Variants in NEB observed in about 807,000 individuals in gnomAD.
NEB encodes the protein nemaline myopathy type 2.
NEB carries 512 observed loss-of-function variants against 952.2 expected under a neutral mutation model. The ratio of observed to expected loss-of-function variants is 0.54; its 90% CI spans 0.50 to 0.58. NEB has a LOEUF of 0.58. Ranked by LOEUF, NEB falls within the 20% of genes least tolerant of loss-of-function variation. The pLI, the probability that NEB is intolerant of heterozygous loss-of-function variation, is 0.00. For synonymous variants in NEB, 2,900 were observed against 3,149.8 expected (o/e 0.92, Z 2.66); for missense variants, 8,428 against 9,231.1 (o/e 0.91, Z 3.56).
intron 34 of NEB, among the ~76,000 whole-genome samples, chr2:151,676,341 A>G (rs2099359116): frequency 6.6e-6 from 1 of 152,180 alleles, no homozygotes; most frequent in Non-Finnish European, 1.5e-5. Context: ...CCTTAGCTTC[A>G]GTCCAATTAA....
At chr2:151,572,980 T>C (rs921059177) in intron 107 of NEB, among the ~76,000 whole-genome samples, 1 of 152,056 alleles carries the variant, frequency 6.6e-6, no homozygotes, top group African/African-American at 2.4e-5. Context: ...TACCATCTGA[T>C]AAAAACAAAA....
chr2:151,651,769 C>T (rs1201130930), intron 52 of NEB, among the ~76,000 whole-genome samples: 1 of 152,122 alleles, frequency 6.6e-6, no homozygotes, highest in Non-Finnish European at 1.5e-5. Context: ...TTACATGATA[C>T]CCAGCTTCAT....
At position 151,636,226 on chromosome 2, in the gene NEB, C is replaced by T. The variant is rs143644938; in HGVS notation, c.9102+1G>A. 3.7e-6 allele frequency: 6 copies of T among 1,605,528 alleles called. No homozygotes were observed. Among genetic ancestry groups the T allele is most frequent in the South Asian group, 1.1e-5 (1 of 90,914 alleles). On this transcript the variant is annotated splice_donor_variant, in intron 64 of 181. Coordinates refer to ENST00000397345, the MANE Select transcript of NEB (RefSeq NM_001164508.2). LOFTEE classifies it high-confidence loss of function. ...TACTCAGAATGGAATTGACAACTCA[C>T]GTCACTGATGATGTCCCTGGAGGCC...
intron 12 of NEB, among the ~76,000 whole-genome samples, chr2:151,708,886 T>C (rs151332165): frequency 1.2e-3 from 184 of 152,344 alleles, no homozygotes; most frequent in East Asian, 0.01. Flanking sequence ...AAGTCAGCTG[T>C]GCTTTCAAAA....
In NEB at chr2:151,564,479, C is replaced by T. The variant is rs140378948; in HGVS notation, c.18472-549G>A. The stretch of plus-strand genomic sequence containing the variant: ...ACTCTAGGCATTTTATAAGAGTTGA[C>T]TATTTTTGCGGTCCTAGTAAAAGTG... On this transcript the variant is annotated intron_variant, in intron 117 of 181. Coordinates refer to ENST00000397345, the MANE Select transcript of NEB (RefSeq NM_001164508.2). Among the ~76,000 whole-genome samples, 20 of 152,220 alleles carry T rather than the reference C, an allele frequency of 1.3e-4. No individual in the cohort carries two copies. The East Asian group carries it at 3.7e-3, about 28-fold the overall frequency.
chr2:151,720,754 T>A (rs2099772048), intron 9 of NEB, among the ~76,000 whole-genome samples: 1 of 152,194 alleles, frequency 6.6e-6, no homozygotes, highest in Non-Finnish European at 1.5e-5. Context: ...CCTCATCCTT[T>A]TGCTGGCTCC....
chr2:151,723,520 G>A (rs1348351776), intron 8 of NEB, 34 bp from the exon 9 acceptor site: 1 of 1,446,888 alleles, frequency 6.9e-7, no homozygotes, highest in Non-Finnish European at 9.6e-7. Flanking sequence ...TTAGGAGGAA[G>A]TAGGGTCACG....
intron 129 of NEB, among the ~76,000 whole-genome samples, chr2:151,551,216 G>A (rs1169989751): frequency 2.6e-5 from 4 of 152,020 alleles, no homozygotes; most frequent in Non-Finnish European, 5.9e-5. Flanking sequence ...TGATCTGCCC[G>A]CCTCAGCCTC....
intron 129 of NEB, among the ~76,000 whole-genome samples, chr2:151,551,312 T>C (rs1454520815): frequency 6.6e-6 from 1 of 152,158 alleles, no homozygotes; most frequent in African/African-American, 2.4e-5. Flanking sequence ...ACATGAAAAG[T>C]TGAGACCAAA....
At chr2:151,679,380 A>AATT (rs1461578107) in intron 32 of NEB, among the ~76,000 whole-genome samples, 1 of 152,206 alleles carries the variant, frequency 6.6e-6, no homozygotes, top group Admixed American at 6.5e-5. Flanking sequence ...ATAAATTAAT[A>AATT]AAGTTTTGAG....
chr2:151,568,462 A>G (rs746528654), intron 111 of NEB, 45 bp from the exon 112 acceptor site: 10 of 1,554,046 alleles, frequency 6.4e-6, no homozygotes, highest in South Asian at 1.1e-5. Flanking sequence ...TTACTTGTTA[A>G]GAAAGCATCA....
At chr2:151,548,090 C>T (rs2094930035) in intron 131 of NEB, among the ~76,000 whole-genome samples, 1 of 152,118 alleles carries the variant, frequency 6.6e-6, no homozygotes, top group South Asian at 2.1e-4. Context: ...AAAAGTTTTG[C>T]ATCATAATCT....
At chr2:151,519,603 CAGTT>C in intron 154 of NEB, 51 bp downstream of exon 154, 2 of 1,308,346 alleles carry the variant, frequency 1.5e-6, no homozygotes, top group South Asian at 2.4e-5. Flanking sequence ...CACTTAAAAA[CAGTT>C]AAAATGGCAA....
intron 165 of NEB, among the ~76,000 whole-genome samples, chr2:151,503,901 G>A (rs1365248650): frequency 1.3e-5 from 2 of 152,066 alleles, no homozygotes; most frequent in Non-Finnish European, 2.9e-5. Flanking sequence ...GTTCCTCGCT[G>A]GCTCCTAATC....
At chr2:151,731,748 A>G (rs796171634) in intron 3 of NEB, among the ~76,000 whole-genome samples, 3 of 152,330 alleles carry the variant, frequency 2.0e-5, no homozygotes, top group African/African-American at 7.2e-5. Context: ...ATTTTAAGAA[A>G]GACAAGGGAT....
chr2:151,677,568 ACT>A lies in NEB; in HGVS notation c.3769_3770del (p.Ser1257Ter). The A allele has an allele frequency of 6.2e-7, 1 of 1,612,366 alleles. No homozygotes were observed. The highest frequency in any genetic ancestry group is 1.1e-5 in the South Asian group (1 of 90,938). Reference sequence around the variant, plus strand: ...CTCTCTATTTTATTGTACTCACATCACTGACTTGCTTCGTGTTCTGTTTTGCC... The same window carrying A: ...CTCTCTATTTTATTGTACTCACATCAGACTTGCTTCGTGTTCTGTTTTGCC... Reference protein sequence around the residue: ...VQAKQNTKQVSDILYKAKGED... With the variant: ...VQAKQNTKQVXDILYKAKGED... On this transcript the variant is annotated frameshift_variant, in exon 34 of 182. Transcript: ENST00000397345. LOFTEE classifies it high-confidence loss of function.
At chr2:151,610,727 T>C (rs778660736) in intron 79 of NEB, 35 bp downstream of exon 79, 3 of 1,590,250 alleles carry the variant, frequency 1.9e-6, no homozygotes, top group Admixed American at 3.4e-5. Flanking sequence ...TTTTAATTAA[T>C]CTTAGGTTTA....
In NEB at chr2:151,576,236, G is replaced by C. The variant is rs200952733; in HGVS notation, c.16823C>G (p.Thr5608Arg). The change falls in exon 106 of 182, where the codon ACG becomes AGG. Residue 5608 changes from threonine to arginine, a missense_variant. Thr to Arg is a moderately conservative substitution (Grantham distance 71). This residue lies in a region of NEB where 3,374 missense variants were observed against 3,651.5 expected (regional missense o/e 0.92). Coordinates refer to ENST00000397345, the MANE Select transcript of NEB (RefSeq NM_001164508.2). ...QNIFCDSVYR[T>R]PVVNLKYTSI... ...TGTGTACTTAAGGTTCACCACAGGC[G>C]TCCGATAGACACTGTCACAAAAGAT... 1.2e-6 allele frequency: 2 copies of C among 1,611,116 alleles called. No homozygotes were observed. The highest frequency in any genetic ancestry group is 1.7e-6 in the Non-Finnish European group (2 of 1,178,130).
At chr2:151,540,220 T>A (rs2093855303) in intron 138 of NEB, 124 bp downstream of exon 138, 1 of 507,468 alleles carries the variant, frequency 2.0e-6, no homozygotes. Context: ...TTTAAAAAAA[T>A]GTGTGTTTTT....
Sources: allele counts gnomAD v4.1 joint callset (sites outside exome capture counted in the v4.1 genomes callset), GRCh38; gene constraint gnomAD v4.1.1; regional missense constraint gnomAD v4.1.1; transcripts MANE v1.5; gene names NCBI Gene and HGNC (gene_info 2026-07-23, HGNC 2026-07-21).